The following MFSD11 variants were observed in gnomAD, a reference collection of about 807,000 sequenced individuals.
MFSD11 encodes the protein major facilitator superfamily domain containing 11.
Under a neutral mutation model 53.5 loss-of-function variants are expected in MFSD11, and 36 were observed. That is an observed-to-expected ratio of 0.67 (90% CI 0.52 to 0.89). The LOEUF (loss-of-function observed/expected upper bound fraction) is 0.89. Among genes scored for constraint, MFSD11 ranks in the 40% least tolerant of loss-of-function variants. The probability of loss-of-function intolerance (pLI) is 0.00; values close to 1 mark genes in which losing one functional copy is unlikely to be tolerated. For synonymous variants in MFSD11, 186 were observed against 184.9 expected (o/e 1.01, Z -0.05); for missense variants, 530 against 543.9 (o/e 0.97, Z 0.25).
chr17:76,753,086 A>C (rs989336688), intron 7 of MFSD11: 14 of 152,022 alleles, frequency 9.2e-5, no homozygotes, highest in African/African-American at 2.9e-4. Context: ...AAAACACTTC[A>C]TCAGAAAGCA....
At chr17:76,764,857 T>C (rs2080674388) in intron 8 of MFSD11, among the ~76,000 whole-genome samples, 1 of 152,220 alleles carries the variant, frequency 6.6e-6, no homozygotes, top group South Asian at 2.1e-4. Context: ...GTTTTCCATG[T>C]TCGCTGTACC....
At chr17:76,761,955 C>A (rs1295502478) in intron 8 of MFSD11, among the ~76,000 whole-genome samples, 2 of 151,910 alleles carry the variant, frequency 1.3e-5, no homozygotes, top group Non-Finnish European at 2.9e-5. Context: ...CCATATGATT[C>A]ACCCATTTAA....
At chr17:76,737,000 G>A, upstream of MFSD11, 1 of 1,613,520 alleles carries the variant, frequency 6.2e-7, no homozygotes, top group Non-Finnish European at 8.5e-7. Context: ...GAAGCCGCGG[G>A]ACTCCTTGGT....
chr17:76,782,832 G>A (rs1046448569), downstream of MFSD11, among the ~76,000 whole-genome samples: 1 of 152,042 alleles, frequency 6.6e-6, no homozygotes, highest in African/African-American at 2.4e-5. Context: ...CTCTTTAGAT[G>A]ACTGGATAAC....
chr17:76,802,551 C>T, the MFSD11 span, among the ~76,000 whole-genome samples: 1 of 152,182 alleles, frequency 6.6e-6, no homozygotes, highest in Non-Finnish European at 1.5e-5. Flanking sequence ...AGTTGACATG[C>T]CATCCACGTG....
chr17:76,754,394 A>G (rs2079366213), intron 8 of MFSD11, among the ~76,000 whole-genome samples: 2 of 152,190 alleles, frequency 1.3e-5, no homozygotes. Flanking sequence ...AATTAAGAGC[A>G]GATTGTGGCT....
chr17:76,750,834 C>T (rs1480973574), intron 7 of MFSD11, among the ~76,000 whole-genome samples: 1 of 148,172 alleles, frequency 6.7e-6, no homozygotes, highest in Non-Finnish European at 1.5e-5. Flanking sequence ...TACGGAGTCT[C>T]GCTCTCTCAC....
chr17:76,782,222 C>CT (rs1318214580), downstream of MFSD11, among the ~76,000 whole-genome samples: 3 of 151,290 alleles, frequency 2.0e-5, no homozygotes, highest in African/African-American at 4.9e-5. Flanking sequence ...GTTGCCCAGG[C>CT]TGGAGTGCAA....
At chr17:76,763,626 T>C (rs1259433580) in intron 8 of MFSD11, among the ~76,000 whole-genome samples, 3 of 152,152 alleles carry the variant, frequency 2.0e-5, no homozygotes, top group Non-Finnish European at 4.4e-5. Context: ...TTGTAAGAGT[T>C]CTTTATATAT....
chr17:76,744,614 C>T (rs774968407), intron 7 of MFSD11, 148 bp downstream of exon 7: 71 of 718,602 alleles, frequency 9.9e-5, no homozygotes, highest in African/African-American at 3.1e-4. Flanking sequence ...AAAGGAGGAG[C>T]TGCGAGGGAG....
At position 76,761,660 on chromosome 17, in the gene MFSD11, C is replaced by T. The variant is rs557227614; in HGVS notation, c.683-5726C>T. Among the ~76,000 whole-genome samples the T allele has an allele frequency of 5.9e-5, 9 of 152,094 alleles. No homozygotes were observed. The South Asian group carries it at 8.3e-4, about 14-fold the overall frequency. On this transcript the variant is annotated intron_variant, in intron 8 of 12. Transcript: ENST00000685175. Reference sequence around the variant, plus strand: ...TATACTGGCCGGGCGCAGTGGCTCACGCCTGTAATCCCAGCACTTTGGGAG... The same window carrying T: ...TATACTGGCCGGGCGCAGTGGCTCATGCCTGTAATCCCAGCACTTTGGGAG...
At chr17:76,746,544 G>A (rs2078557350) in intron 7 of MFSD11, among the ~76,000 whole-genome samples, 1 of 152,190 alleles carries the variant, frequency 6.6e-6, no homozygotes, top group Non-Finnish European at 1.5e-5. Context: ...AACCTTCAAA[G>A]AACAGGCCGA....
At chr17:76,796,722 C>T in the MFSD11 span, among the ~76,000 whole-genome samples, 1 of 150,944 alleles carries the variant, frequency 6.6e-6, no homozygotes, top group African/African-American at 2.4e-5. Flanking sequence ...CCTGTAATCC[C>T]AGCACTTTGG....
chr17:76,786,171 G>C (rs1372330248), downstream of MFSD11, among the ~76,000 whole-genome samples: 1 of 144,426 alleles, frequency 6.9e-6, no homozygotes, highest in Non-Finnish European at 1.5e-5. Context: ...TTGAGACGGA[G>C]TGTTGCTCTG....
At chr17:76,788,004 GTTGT>G in the MFSD11 span, among the ~76,000 whole-genome samples, 23 of 148,008 alleles carry the variant, frequency 1.6e-4, no homozygotes, top group South Asian at 2.0e-3. Context: ...TGCTTTTTTT[GTTGT>G]TTGTTTGTTT....
At chr17:76,743,094 A>G (rs2078245644) in intron 5 of MFSD11, among the ~76,000 whole-genome samples, 1 of 152,220 alleles carries the variant, frequency 6.6e-6, no homozygotes, top group Admixed American at 6.5e-5. Context: ...GCTTATTTCC[A>G]GGGAGTCATT....
At chr17:76,763,653 A>G (rs2080506859) in intron 8 of MFSD11, among the ~76,000 whole-genome samples, 1 of 152,114 alleles carries the variant, frequency 6.6e-6, no homozygotes, top group Admixed American at 6.6e-5. Flanking sequence ...TAAAAGTTCT[A>G]TATATATGAT....
intron 1 of MFSD11, 128 bp downstream of exon 1, chr17:76,738,576 C>T: frequency 1.5e-6 from 1 of 687,692 alleles, no homozygotes; most frequent in African/African-American, 1.8e-5. Context: ...CCCAGACTTC[C>T]TCATTTTTTA....
At position 76,778,830 on chromosome 17, in the gene MFSD11, C is replaced by T. The variant is rs2082059631; in HGVS notation, c.*478C>T. 6.3e-6 allele frequency: 1 copy of T among 158,116 alleles called. No homozygotes were observed. The highest frequency in any genetic ancestry group is 2.4e-5 in the African/African-American group (1 of 41,430). 9.8% of individuals were successfully genotyped at this position (158,116 alleles called of 1,614,324 possible). On this transcript the variant is annotated 3_prime_UTR_variant, in exon 13 of 13. Coordinates refer to ENST00000685175, the MANE Select transcript of MFSD11 (RefSeq NM_001242532.5). ...TAGCAAAGCTGGGTGTGGTGTTGCA[C>T]CGCTATACTCCCAGCTGTTGGGGAG...
Sources: allele counts gnomAD v4.1 joint callset (sites outside exome capture counted in the v4.1 genomes callset), GRCh38; gene constraint gnomAD v4.1.1; transcripts MANE v1.5; gene names NCBI Gene and HGNC (gene_info 2026-07-23, HGNC 2026-07-21).